The following SLC24A2 variants were observed in gnomAD, a reference collection of about 807,000 sequenced individuals.
SLC24A2 encodes sodium/potassium/calcium exchanger 2.
In SLC24A2, 36 loss-of-function variants were observed where a neutral mutation model predicts 62.0. The ratio of observed to expected loss-of-function variants is 0.58; its 90% CI spans 0.44 to 0.77. SLC24A2 has a LOEUF of 0.77. SLC24A2 is among the 30% of genes least tolerant of loss of function. SLC24A2 has a pLI of 0.00. For synonymous variants in SLC24A2, 358 were observed against 294.0 expected (o/e 1.22, Z -2.23); for missense variants, 846 against 817.9 (o/e 1.03, Z -0.42).
chr9:20,174,263 A>G, the SLC24A2 span, among the ~76,000 whole-genome samples: 5 of 152,090 alleles, frequency 3.3e-5, no homozygotes, highest in Non-Finnish European at 7.4e-5. Context: ...ATAATGTCGG[A>G]AAAACCCTTC....
intron 2 of SLC24A2, among the ~76,000 whole-genome samples, chr9:19,627,995 A>G (rs1036869978): frequency 2.0e-5 from 3 of 152,238 alleles, no homozygotes; most frequent in Non-Finnish European, 2.9e-5. Context: ...ACAAACTTTT[A>G]GAAATGAATT....
chr9:19,751,561 G>A (rs1354145181), intron 2 of SLC24A2, among the ~76,000 whole-genome samples: 1 of 152,108 alleles, frequency 6.6e-6, no homozygotes, highest in Non-Finnish European at 1.5e-5. Flanking sequence ...AAGTTCCTAA[G>A]AAACTTCAGC....
rs950374216 is a variant in SLC24A2, at chr9:19,788,721, A to G, written c.-154+164T>C. 1.2e-4 allele frequency: 118 copies of G among 985,382 alleles called. 1 individual carries two copies. The East Asian group carries it at 2.5e-3, about 21-fold the overall frequency. The allele number at this position is 985,382 out of a possible 1,614,324, so 61.0% of individuals were successfully genotyped here. ...CGGGGGCTCCAAATCCACGCCCCGG[A>G]GCACAGAGAGTTGGCTAACTCCTAG... On this transcript the variant is annotated intron_variant, in intron 1 of 10. Coordinates refer to ENST00000341998, the MANE Select transcript of SLC24A2 (RefSeq NM_020344.4).
the SLC24A2 span, among the ~76,000 whole-genome samples, chr9:20,268,442 T>A: frequency 1.3e-5 from 2 of 152,142 alleles, no homozygotes; most frequent in Non-Finnish European, 2.9e-5. Flanking sequence ...TATGGATTAA[T>A]GAATTAATGG....
chr9:19,620,167 T>C (rs1220247496), intron 3 of SLC24A2, among the ~76,000 whole-genome samples: 1 of 152,202 alleles, frequency 6.6e-6, no homozygotes, highest in African/African-American at 2.4e-5. Context: ...GAAGTATGCA[T>C]CCTATCAGTA....
the SLC24A2 span, among the ~76,000 whole-genome samples, chr9:20,096,013 T>C: frequency 2.6e-5 from 4 of 152,164 alleles, no homozygotes; most frequent in African/African-American, 9.7e-5. Flanking sequence ...TGTGGAATTA[T>C]GGGAGCTACA....
At chr9:19,949,547 A>C in the SLC24A2 span, among the ~76,000 whole-genome samples, 7 of 152,182 alleles carry the variant, frequency 4.6e-5, no homozygotes. Context: ...AAAATCACTT[A>C]AGCAATAGAA....
chr9:19,871,748 A>G, the SLC24A2 span, among the ~76,000 whole-genome samples: 1 of 152,202 alleles, frequency 6.6e-6, no homozygotes, highest in South Asian at 2.1e-4. Context: ...TTGTGTTTTC[A>G]TAGAATGTTT....
the SLC24A2 span, among the ~76,000 whole-genome samples, chr9:20,163,601 T>A: frequency 6.6e-6 from 1 of 152,126 alleles, no homozygotes; most frequent in African/African-American, 2.4e-5. Flanking sequence ...AAGCTACCAA[T>A]GACTTTCTTC....
the SLC24A2 span, among the ~76,000 whole-genome samples, chr9:20,234,784 TGGA>T: frequency 5.5e-3 from 837 of 152,352 alleles, 18 homozygotes; most frequent in East Asian, 0.045. Context: ...TGTGTTCCTT[TGGA>T]GGAGGAGAGG....
At chr9:19,980,928 A>G in the SLC24A2 span, among the ~76,000 whole-genome samples, 9 of 152,216 alleles carry the variant, frequency 5.9e-5, no homozygotes, top group Admixed American at 2.6e-4. Flanking sequence ...TTGTATTCCC[A>G]TCCCAAAATA....
the SLC24A2 span, among the ~76,000 whole-genome samples, chr9:19,879,998 G>T: frequency 1.3e-5 from 2 of 151,932 alleles, no homozygotes; most frequent in African/African-American, 2.4e-5. Context: ...AAAACATGAA[G>T]AAGTAAAAAA....
At chr9:19,592,992 T>C (rs955451856) in intron 5 of SLC24A2, among the ~76,000 whole-genome samples, 19 of 152,334 alleles carry the variant, frequency 1.2e-4, no homozygotes, top group African/African-American at 4.6e-4. Context: ...TAATTTATCA[T>C]GTCTAGCAAA....
chr9:19,700,785 G>A (rs1440031614), intron 2 of SLC24A2, among the ~76,000 whole-genome samples: 1 of 152,172 alleles, frequency 6.6e-6, no homozygotes, highest in African/African-American at 2.4e-5. Flanking sequence ...TTTCTGTAGT[G>A]TCAACTGACA....
chr9:20,186,727 C>G, the SLC24A2 span, among the ~76,000 whole-genome samples: 27,785 of 152,038 alleles, frequency 0.18, 2,878 homozygotes, highest in African/African-American at 0.27. Flanking sequence ...CCTATCTCCT[C>G]AAATTATATA....
chr9:19,951,966 C>T, the SLC24A2 span, among the ~76,000 whole-genome samples: 1 of 152,084 alleles, frequency 6.6e-6, no homozygotes, highest in African/African-American at 2.4e-5. Flanking sequence ...AATCCATGAG[C>T]ATGATTTATC....
chr9:19,624,970 G>A (rs371877481), intron 2 of SLC24A2, among the ~76,000 whole-genome samples: 1 of 152,122 alleles, frequency 6.6e-6, no homozygotes, highest in Non-Finnish European at 1.5e-5. Context: ...TTAATTACAC[G>A]GGAAGTAACT....
At position 19,786,566 on chromosome 9, in the gene SLC24A2, G is replaced by A. The variant is rs139756859; in HGVS notation, c.301C>T (p.Pro101Ser). ...NDKILDYTPQ[P>S]PLSKEGESEN... ...GACTCGCCTTCCTTAGAAAGAGGTG[G>A]CTGTGGAGTATAATCCAGAATCTTG... The change falls in exon 2 of 11, where the codon CCA (proline) becomes TCA (serine). Residue 101 changes from proline to serine, a missense_variant. Physicochemically the swap from Pro to Ser is moderately conservative, Grantham distance 74. Transcript: ENST00000341998. This position sits in a 1 kb window ranked among gnomAD's most constrained non-coding sequence, Gnocchi z 5.0. 44 of 1,614,188 alleles carry A rather than the reference G, an allele frequency of 2.7e-5. No individual in the cohort carries two copies. The African/African-American group carries it at 5.5e-4, about 20-fold the overall frequency.
At chr9:20,038,925 T>G in the SLC24A2 span, among the ~76,000 whole-genome samples, 1 of 152,188 alleles carries the variant, frequency 6.6e-6, no homozygotes, top group Non-Finnish European at 1.5e-5. Context: ...TTCGTAAAAT[T>G]TTTTTAAAAG....
Sources: allele counts gnomAD v4.1 joint callset (sites outside exome capture counted in the v4.1 genomes callset), GRCh38; gene constraint gnomAD v4.1.1; non-coding constraint Gnocchi (gnomAD v3.1); transcripts MANE v1.5; gene names NCBI Gene and HGNC (gene_info 2026-07-23, HGNC 2026-07-21).